Variants in IFT57 observed in about 807,000 individuals in gnomAD.
IFT57 encodes intraflagellar transport 57.
IFT57 carries 59 observed loss-of-function variants against 56.8 expected under a neutral mutation model. The observed-to-expected ratio is 1.04, with a 90% CI of 0.84 to 1.29. IFT57 has a LOEUF of 1.29. IFT57 is among the 50% of genes most tolerant of loss of function. The pLI is 0.00. For missense variants in IFT57, 470 were observed against 522.1 expected, an observed-to-expected ratio of 0.90 and a Z score of 0.97; for synonymous variants, 209 against 186.1, an observed-to-expected ratio of 1.12 and a Z score of -1.00.
chr3:108,190,896 G>A (rs554415669), intron 6 of IFT57, among the ~76,000 whole-genome samples: 55 of 152,180 alleles, frequency 3.6e-4, no homozygotes, highest in Non-Finnish European at 7.6e-4. Flanking sequence ...GGGTTCAAAC[G>A]ATTCTCCTGC....
chr3:108,196,702 T>C (rs2080246323), intron 5 of IFT57, among the ~76,000 whole-genome samples: 1 of 152,168 alleles, frequency 6.6e-6, no homozygotes, highest in Non-Finnish European at 1.5e-5. Context: ...CCATAATTAA[T>C]ATACTAGGGG....
At chr3:108,208,859 G>A (rs773636868) in intron 4 of IFT57, among the ~76,000 whole-genome samples, 5 of 152,166 alleles carry the variant, frequency 3.3e-5, no homozygotes, top group Non-Finnish European at 7.3e-5. Flanking sequence ...CTCCAAAATG[G>A]AAGGAAGAGT....
intron 4 of IFT57, among the ~76,000 whole-genome samples, chr3:108,210,909 T>C (rs1472642551): frequency 6.6e-6 from 1 of 152,104 alleles, no homozygotes; most frequent in Non-Finnish European, 1.5e-5. Context: ...TGGGAAGAAA[T>C]GTGTGAAGAG....
chr3:108,183,042 A>G (rs1262645919), intron 6 of IFT57, among the ~76,000 whole-genome samples: 2 of 152,162 alleles, frequency 1.3e-5, no homozygotes, highest in East Asian at 1.9e-4. Flanking sequence ...TCATTTAGTA[A>G]TAAGTACTGC....
chr3:108,214,452 C>A (rs888648517), intron 3 of IFT57, among the ~76,000 whole-genome samples: 1 of 152,072 alleles, frequency 6.6e-6, no homozygotes, highest in African/African-American at 2.4e-5. Context: ...ATTACACATA[C>A]CATTTAGAAT....
At chr3:108,162,680 TA>T (rs1301682671) in intron 10 of IFT57, 25 bp from the exon 11 acceptor site, 2 of 1,545,874 alleles carry the variant, frequency 1.3e-6, no homozygotes, top group Non-Finnish European at 1.8e-6. Flanking sequence ...TAACATGAAA[TA>T]AAAATGTTCA....
chr3:108,205,783 ATAT>A (rs1257914188), intron 5 of IFT57, among the ~76,000 whole-genome samples: 2 of 138,132 alleles, frequency 1.4e-5, no homozygotes, highest in Non-Finnish European at 3.1e-5. Context: ...ATATTATAAC[ATAT>A]TATATAATAT....
In IFT57 at chr3:108,219,594, T is replaced by C. The variant is rs376492931; in HGVS notation, c.213-22A>G. On this transcript the variant is annotated intron_variant, in intron 1 of 10. Transcript: ENST00000264538. ...GTGTCTGTTTCAAAACAAGGAGGAA[T>C]GGGGGCGGATGTGAAATAATGCAAA... is the stretch of plus-strand genomic sequence containing the variant. The C allele has an allele frequency of 1.7e-4, 281 of 1,608,994 alleles. No individual in the cohort carries two copies. The African/African-American group carries it at 3.5e-3, about 20-fold the overall frequency.
At chr3:108,216,749 G>A (rs2080375209) in intron 3 of IFT57, among the ~76,000 whole-genome samples, 1 of 152,204 alleles carries the variant, frequency 6.6e-6, no homozygotes, top group Admixed American at 6.5e-5. Context: ...AGGTTGAATA[G>A]AAAATGTGGT....
At position 108,167,802 on chromosome 3, in the gene IFT57, C is replaced by T. The variant is rs1172349826; in HGVS notation, c.840G>A (p.Lys280=). The T allele has an allele frequency of 1.3e-6, 2 of 1,588,296 alleles. No homozygotes were observed. Among genetic ancestry groups the T allele is most frequent in the Admixed American group, 1.8e-5 (1 of 55,426 alleles). ...QHRSGIESAL[K]ETKGFLDKLH... is the part of the protein sequence containing the mutation. ...AAAGTAATTCATATACCTTGGTCTC[C>T]TTTAGAGCAGATTCAATTCCACTTC... Residue 280 remains lysine, a synonymous_variant, in exon 7 of 11, where the codon AAG becomes AAA. Coordinates refer to ENST00000264538, the MANE Select transcript of IFT57 (RefSeq NM_018010.4).
At chr3:108,210,451 A>G (rs755922338) in intron 4 of IFT57, among the ~76,000 whole-genome samples, 1 of 149,486 alleles carries the variant, frequency 6.7e-6, no homozygotes, top group Non-Finnish European at 1.5e-5. Flanking sequence ...CTCTTGCCTC[A>G]GTCTCCCGAG....
At position 108,205,303 on chromosome 3, in the gene IFT57, T is replaced by C. The variant is rs368104808; in HGVS notation, c.654+1325A>G. Among the ~76,000 whole-genome samples the C allele has an allele frequency of 1.1e-4, 17 of 152,188 alleles. 1 individual carries two copies. In the South Asian group the frequency reaches 3.5e-3, roughly 32 times the overall value. ...TATGACAAAGGTAAAGGTAATATTT[T>C]TATCTCATTTACAGCTTAAGAAGAT... On this transcript the variant is annotated intron_variant, in intron 5 of 10. Transcript: ENST00000264538.
chr3:108,167,331 T>G (rs184175404), intron 7 of IFT57, among the ~76,000 whole-genome samples: 72 of 152,060 alleles, frequency 4.7e-4, no homozygotes, highest in Non-Finnish European at 8.7e-4. Context: ...GACTGAAATA[T>G]TCCAGTTGGA....
chr3:108,201,217 T>C (rs929882022), intron 5 of IFT57, among the ~76,000 whole-genome samples: 3 of 152,186 alleles, frequency 2.0e-5, no homozygotes, highest in Admixed American at 6.5e-5. Flanking sequence ...GACTCAGATC[T>C]GGAAGGGACC....
chr3:108,169,222 T>G (rs1374493119), intron 6 of IFT57, among the ~76,000 whole-genome samples: 2 of 152,122 alleles, frequency 1.3e-5, no homozygotes, highest in Non-Finnish European at 2.9e-5. Flanking sequence ...TGGTTTTGAT[T>G]TGCATTGTTC....
At chr3:108,192,174 CAAAAAAA>C (rs11347289) in intron 5 of IFT57, among the ~76,000 whole-genome samples, 1 of 74,670 alleles carries the variant, frequency 1.3e-5, no homozygotes, top group East Asian at 4.0e-4. Flanking sequence ...GACTCTGTCT[CAAAAAAA>C]AAAAAAAAAA....
intron 5 of IFT57, among the ~76,000 whole-genome samples, chr3:108,199,109 C>A (rs1034767584): frequency 6.6e-6 from 1 of 152,052 alleles, no homozygotes; most frequent in African/African-American, 2.4e-5. Flanking sequence ...TAAAGGGGTA[C>A]AATGTTTCTA....
At chr3:108,164,779 A>T (rs758654450) in intron 9 of IFT57, among the ~76,000 whole-genome samples, 5 of 152,102 alleles carry the variant, frequency 3.3e-5, no homozygotes, top group Non-Finnish European at 5.9e-5. Flanking sequence ...TTCCTGTCAA[A>T]ACAGTAAAGT....
intron 6 of IFT57, among the ~76,000 whole-genome samples, chr3:108,184,428 A>G (rs11929384): frequency 1.1e-3 from 160 of 152,306 alleles, no homozygotes; most frequent in African/African-American, 3.7e-3. Flanking sequence ...AGGCTAAAAT[A>G]TTGAAAAAAT....
Sources: allele counts gnomAD v4.1 joint callset (sites outside exome capture counted in the v4.1 genomes callset), GRCh38; gene constraint gnomAD v4.1.1; transcripts MANE v1.5; gene names NCBI Gene and HGNC (gene_info 2026-07-23, HGNC 2026-07-21).